Variants in TRAF1 observed in about 807,000 individuals in gnomAD.
The protein encoded by TRAF1 is TNF receptor associated factor 1.
A neutral mutation model predicts 40.9 loss-of-function variants in TRAF1; 23 were observed. The ratio of observed to expected loss-of-function variants is 0.56; its 90% CI spans 0.40 to 0.80. The LOEUF (loss-of-function observed/expected upper bound fraction) is 0.80. TRAF1 is among the 30% of genes least tolerant of loss of function. TRAF1 has a pLI of 0.00. For missense variants in TRAF1, 477 were observed against 528.7 expected (o/e 0.90, Z 0.96); for synonymous variants, 206 against 218.8 (o/e 0.94, Z 0.52).
intron 6 of TRAF1, among the ~76,000 whole-genome samples, 165 bp from the exon 7 acceptor site, chr9:120,909,543 T>TG (rs1399219994): frequency 6.6e-6 from 1 of 152,104 alleles, no homozygotes; most frequent in East Asian, 1.9e-4. Flanking sequence ...AATGGGCTCT[T>TG]GGGGGTCATC....
chr9:120,904,818 AC>A lies in TRAF1; in HGVS notation c.*201del. 1.6e-6 allele frequency: 1 copy of A among 612,190 alleles called. No individual in the cohort carries two copies. Among genetic ancestry groups the A allele is most frequent in the Non-Finnish European group, 2.9e-6 (1 of 349,934 alleles). The allele number at this position is 612,190 out of a possible 1,614,324, so 37.9% of individuals were successfully genotyped here. Reference sequence around the variant, plus strand: ...AGCAGCTCTGCCTGTCTCCTTCTGGACCCTTTGCCTTTGTGGGCCCAGCCCA... The same window carrying A: ...AGCAGCTCTGCCTGTCTCCTTCTGGACCTTTGCCTTTGTGGGCCCAGCCCA... On this transcript the variant is annotated 3_prime_UTR_variant, in exon 8 of 8. Transcript: ENST00000373887.
At position 120,914,217 on chromosome 9, in the gene TRAF1, TCA is replaced by T. The variant is rs774752194; in HGVS notation, c.294+16_294+17del. 1 of 1,499,468 alleles carries T rather than the reference TCA, an allele frequency of 6.7e-7. No individual in the cohort carries two copies. Among genetic ancestry groups the T allele is most frequent in the African/African-American group, 1.4e-5 (1 of 71,796 alleles). The allele number at this position is 1,499,468 out of a possible 1,614,324, so 92.9% of individuals were successfully genotyped here. On this transcript the variant is annotated intron_variant, in intron 4 of 7. Coordinates refer to ENST00000373887, the MANE Select transcript of TRAF1 (RefSeq NM_005658.5). ...AACCATAGTGGATAGATCTCCTTTC[TCA>T]CACTCAGATGCTTACCTTGAAGGAG...
intron 3 of TRAF1, among the ~76,000 whole-genome samples, chr9:120,922,356 T>C (rs890154684): frequency 6.6e-6 from 1 of 152,266 alleles, no homozygotes; most frequent in African/African-American, 2.4e-5. Flanking sequence ...CTTTCATTTA[T>C]ATAAAGACAT....
chr9:120,925,280 C>A (rs2046631756), intron 2 of TRAF1, among the ~76,000 whole-genome samples: 1 of 152,226 alleles, frequency 6.6e-6, no homozygotes, highest in South Asian at 2.1e-4. Context: ...AGTATCCACC[C>A]CTCTAAGTTG....
At chr9:120,918,068 G>A (rs1316470206) in intron 3 of TRAF1, among the ~76,000 whole-genome samples, 1 of 152,204 alleles carries the variant, frequency 6.6e-6, no homozygotes, top group Non-Finnish European at 1.5e-5. Context: ...GGACAGCCAT[G>A]TCAAGGCAAA....
chr9:120,925,180 T>C (rs770886415), intron 2 of TRAF1, among the ~76,000 whole-genome samples: 7 of 152,266 alleles, frequency 4.6e-5, no homozygotes, highest in African/African-American at 9.6e-5. Flanking sequence ...TCACATGAGA[T>C]AGTTTAAGGG....
At chr9:120,915,702 C>T (rs10985090) in intron 3 of TRAF1, among the ~76,000 whole-genome samples, 2 of 151,628 alleles carry the variant, frequency 1.3e-5, no homozygotes, top group Non-Finnish European at 2.9e-5. Flanking sequence ...GTCTTGGTGG[C>T]GTACACCTAT....
chr9:120,924,271 T>C (rs183680917), intron 2 of TRAF1, among the ~76,000 whole-genome samples: 181 of 152,050 alleles, frequency 1.2e-3, no homozygotes, highest in African/African-American at 4.2e-3. Flanking sequence ...TGGTCTTATA[T>C]GTTTAGTAAT....
In TRAF1 at chr9:120,911,251, GAGCTGGC is replaced by G. The variant is rs1168470216; in HGVS notation, c.883+78_883+84del. On this transcript the variant is annotated intron_variant, in intron 6 of 7. Transcript: ENST00000373887. ...AACTGGACACAGCGTGTCTGTCACA[GAGCTGGC>G]AGTTTTCACTGCTTGCTTCCTGGGT... The G allele has an allele frequency of 2.7e-6, 4 of 1,462,680 alleles. No homozygotes were observed. In the African/African-American group the frequency reaches 5.6e-5, roughly 20 times the overall value. 90.6% of individuals were successfully genotyped at this position (1,462,680 alleles called of 1,614,324 possible). A position where few individuals can be genotyped will look rare whatever the true frequency, so the allele number is the denominator to read the frequency against.
At chr9:120,913,208 A>G (rs2046541399) in intron 5 of TRAF1, 120 bp downstream of exon 5, 6 of 1,243,574 alleles carry the variant, frequency 4.8e-6, no homozygotes, top group Non-Finnish European at 6.6e-6. Flanking sequence ...AAGGGGAGAT[A>G]CGTTTTGATG....
intron 7 of TRAF1, 90 bp from the exon 8 acceptor site, chr9:120,905,328 C>G: frequency 7.5e-7 from 1 of 1,333,974 alleles, no homozygotes; most frequent in Non-Finnish European, 1.0e-6. Context: ...TGCTCCACAC[C>G]TACTGCCTGT....
chr9:120,910,564 T>C (rs1439196595), intron 6 of TRAF1, among the ~76,000 whole-genome samples: 1 of 152,120 alleles, frequency 6.6e-6, no homozygotes, highest in Non-Finnish European at 1.5e-5. Context: ...CCTGGCTAAT[T>C]TAAAAAAAAT....
At position 120,923,719 on chromosome 9, in the gene TRAF1, G is replaced by A. The variant is rs944531757; in HGVS notation, c.214C>T (p.Arg72Ter). ...TGCCAACGTACCTTCTCCTGAGTTC[G>A]AAGACGGCTTCCTGGGCTTATAGAC... The part of the protein sequence containing the change: ...LQSISPGSRL[R>*]TQEKAHPEVA... Residue 72 changes from arginine to a stop codon, truncating the protein, a stop_gained, in exon 3 of 8, where the codon CGA (arginine) becomes TGA (stop). Coordinates refer to ENST00000373887, the MANE Select transcript of TRAF1 (RefSeq NM_005658.5). LOFTEE classifies it high-confidence loss of function. 2 of 1,614,106 alleles carry A rather than the reference G, an allele frequency of 1.2e-6. No individual in the cohort carries two copies. The highest frequency in any genetic ancestry group is 1.1e-5 in the South Asian group (1 of 91,084).
At position 120,926,029 on chromosome 9, in the gene TRAF1, T is replaced by C. The variant is rs2046638258; in HGVS notation, c.47A>G (p.Asn16Ser). ...GSSPRPAPDE[N>S]EFPFGCPPTV... ...GGGAGGGCACCCAAAGGGAAACTCA[T>C]TCTCATCAGGGGCCGGGCGAGGACT... is the stretch of plus-strand genomic sequence containing the variant. The change falls in exon 2 of 8, where the codon AAT becomes AGT. Residue 16 changes from asparagine (N) to serine (S), a missense_variant. Coordinates refer to ENST00000373887, the MANE Select transcript of TRAF1 (RefSeq NM_005658.5). The C allele has an allele frequency of 1.2e-6, 2 of 1,612,040 alleles. No individual in the cohort carries two copies. The highest frequency in any genetic ancestry group is 1.1e-5 in the South Asian group (1 of 90,948).
chr9:120,909,992 C>A (rs969541660), intron 6 of TRAF1, among the ~76,000 whole-genome samples: 6 of 152,184 alleles, frequency 3.9e-5, no homozygotes, highest in African/African-American at 1.2e-4. Flanking sequence ...GTTCTGCCAG[C>A]CATTCTCAGG....
intron 2 of TRAF1, 92 bp from the exon 3 acceptor site, chr9:120,923,884 C>CTGATAGTTG: frequency 8.6e-7 from 1 of 1,163,936 alleles, no homozygotes; most frequent in Non-Finnish European, 1.3e-6. Context: ...CAACTATCAG[C>CTGATAGTTG]AGGGTGGTGA....
upstream of TRAF1, chr9:120,928,466 C>T (rs1445208034): frequency 2.6e-5 from 4 of 152,600 alleles, no homozygotes; most frequent in African/African-American, 9.7e-5. Flanking sequence ...GGCTCTCAGC[C>T]CTTCCTTCCG....
In TRAF1 at chr9:120,925,958, C is replaced by T; in HGVS notation, c.118G>A (p.Gly40Ser). Residue 40 changes from glycine to serine, a missense_variant, in exon 2 of 8, where the codon GGC (glycine) becomes AGC (serine). By Grantham distance (56) the Gly-to-Ser change is moderately conservative (BLOSUM62 0). Transcript: ENST00000373887. Reference sequence around the variant, plus strand: ...CACCTCGGGTTCTCAGAGAGACAGCCTGCACAGCAGAGAGCCCTGGGCTCC... The same window carrying T: ...CACCTCGGGTTCTCAGAGAGACAGCTTGCACAGCAGAGAGCCCTGGGCTCC... The part of the protein sequence containing the change: ...PKEPRALCCA[G>S]CLSENPRNGE... The T allele has an allele frequency of 6.2e-7, 1 of 1,614,034 alleles. No individual in the cohort carries two copies. The highest frequency in any genetic ancestry group is 1.1e-5 in the South Asian group (1 of 91,082).
intron 3 of TRAF1, among the ~76,000 whole-genome samples, chr9:120,919,955 A>C (rs752588400): frequency 2.6e-5 from 4 of 152,214 alleles, no homozygotes; most frequent in Non-Finnish European, 5.9e-5. Context: ...ACTTTGGTCC[A>C]GGCACACCTC....
Sources: allele counts gnomAD v4.1 joint callset (sites outside exome capture counted in the v4.1 genomes callset), GRCh38; gene constraint gnomAD v4.1.1; transcripts MANE v1.5; gene names NCBI Gene and HGNC (gene_info 2026-07-23, HGNC 2026-07-21).